PTPRR: variants seen among roughly 807,000 people sequenced by gnomAD.
The protein encoded by PTPRR is receptor-type tyrosine-protein phosphatase R.
In PTPRR, 38 loss-of-function variants were observed where a neutral mutation model predicts 77.2. The ratio of observed to expected loss-of-function variants is 0.49; its 90% CI spans 0.38 to 0.65. The LOEUF is 0.65. Among genes scored for constraint, PTPRR ranks in the 30% least tolerant of loss-of-function variants. PTPRR has a pLI of 0.00. For synonymous variants in PTPRR, 299 were observed against 283.1 expected (o/e 1.06, Z -0.57); for missense variants, 744 against 799.2 (o/e 0.93, Z 0.83).
intron 6 of PTPRR, among the ~76,000 whole-genome samples, chr12:70,713,955 G>T (rs1051443225): frequency 3.9e-5 from 6 of 152,092 alleles, no homozygotes; most frequent in African/African-American, 1.4e-4. Context: ...TTTTGGATGA[G>T]AGCAACATTT....
chr12:70,795,065 A>C (rs1378774839), intron 2 of PTPRR, among the ~76,000 whole-genome samples: 2 of 152,160 alleles, frequency 1.3e-5, no homozygotes, highest in Non-Finnish European at 2.9e-5. Flanking sequence ...GTTATAATGC[A>C]AGTCTTATTG....
At chr12:70,676,104 C>A (rs918376310) in intron 10 of PTPRR, among the ~76,000 whole-genome samples, 4 of 151,858 alleles carry the variant, frequency 2.6e-5, no homozygotes, top group Non-Finnish European at 5.9e-5. Context: ...ATATCCTCTT[C>A]TTTCTCCTTC....
intron 1 of PTPRR, among the ~76,000 whole-genome samples, chr12:70,909,839 G>A (rs1031212510): frequency 2.6e-5 from 4 of 152,190 alleles, no homozygotes; most frequent in Admixed American, 2.0e-4. Flanking sequence ...TCAGAAGAAA[G>A]GTTGCCCGTG....
At chr12:70,674,123 A>G (rs1887352478) in intron 10 of PTPRR, among the ~76,000 whole-genome samples, 2 of 152,018 alleles carry the variant, frequency 1.3e-5, no homozygotes, top group African/African-American at 4.8e-5. Context: ...TTGTTGAGAT[A>G]TAAGTCTCAT....
At chr12:70,699,690 G>C (rs1888352386) in intron 7 of PTPRR, among the ~76,000 whole-genome samples, 1 of 152,110 alleles carries the variant, frequency 6.6e-6, no homozygotes, top group Non-Finnish European at 1.5e-5. Context: ...CCTATTCTCT[G>C]CTCCAACTAA....
chr12:70,703,529 C>G (rs562484233), intron 6 of PTPRR, among the ~76,000 whole-genome samples: 4 of 152,188 alleles, frequency 2.6e-5, no homozygotes, highest in African/African-American at 9.6e-5. Flanking sequence ...ACTCATGGAC[C>G]AAGAATTTAA....
chr12:70,860,645 A>T (rs1468146538), intron 2 of PTPRR, among the ~76,000 whole-genome samples: 2 of 152,172 alleles, frequency 1.3e-5, no homozygotes, highest in African/African-American at 4.8e-5. Context: ...ACATTCTGAG[A>T]CCCAGCTCCA....
intron 2 of PTPRR, among the ~76,000 whole-genome samples, chr12:70,830,442 T>G (rs1266561381): frequency 6.6e-6 from 1 of 152,324 alleles, no homozygotes; most frequent in East Asian, 1.9e-4. Context: ...GGAGTATGGT[T>G]AGCTGTGCCT....
chr12:70,698,416 G>T, intron 7 of PTPRR, 67 bp from the exon 8 acceptor site: 1 of 1,370,448 alleles, frequency 7.3e-7, no homozygotes, highest in South Asian at 1.2e-5. Context: ...TCACAGGGGG[G>T]CATCTGATCC....
intron 2 of PTPRR, among the ~76,000 whole-genome samples, chr12:70,799,235 G>A (rs1891570568): frequency 6.6e-6 from 1 of 151,958 alleles, no homozygotes; most frequent in Non-Finnish European, 1.5e-5. Context: ...TATGTGTGTT[G>A]GATATGTATA....
At chr12:70,726,008 T>C (rs958791444) in intron 6 of PTPRR, among the ~76,000 whole-genome samples, 2 of 152,036 alleles carry the variant, frequency 1.3e-5, no homozygotes, top group African/African-American at 4.8e-5. Context: ...ACATCATAGA[T>C]AGATGATGAT....
chr12:70,900,495 C>T (rs1475519444), intron 1 of PTPRR, among the ~76,000 whole-genome samples: 1 of 151,370 alleles, frequency 6.6e-6, no homozygotes, highest in Non-Finnish European at 1.5e-5. Flanking sequence ...ACCCCAAAAG[C>T]ACAGGCAACT....
At chr12:70,662,855 C>A (rs530158125) in intron 10 of PTPRR, among the ~76,000 whole-genome samples, 36 of 151,214 alleles carry the variant, frequency 2.4e-4, no homozygotes, top group Middle Eastern at 3.5e-3. Flanking sequence ...TAAACACTGT[C>A]ACTGCTGGCT....
chr12:70,872,593 G>A (rs189655180), intron 2 of PTPRR, among the ~76,000 whole-genome samples: 24 of 150,888 alleles, frequency 1.6e-4, no homozygotes, highest in Admixed American at 1.1e-3. Context: ...CTACTCGGGA[G>A]GCTGAGGCGG....
chr12:70,735,033 A>G (rs35456305), intron 6 of PTPRR, among the ~76,000 whole-genome samples: 10,802 of 151,866 alleles, frequency 0.071, 519 homozygotes, highest in South Asian at 0.12. Flanking sequence ...TTATTTTTTT[A>G]GAATAAAAAA....
intron 2 of PTPRR, among the ~76,000 whole-genome samples, chr12:70,797,466 A>G (rs979407728): frequency 2.0e-5 from 3 of 152,074 alleles, no homozygotes; most frequent in Admixed American, 6.6e-5. Context: ...TAGATTCCAC[A>G]TCTCTCTCTA....
At chr12:70,758,657 C>T (rs1890616845) in intron 4 of PTPRR, among the ~76,000 whole-genome samples, 1 of 152,108 alleles carries the variant, frequency 6.6e-6, no homozygotes, top group Admixed American at 6.5e-5. Flanking sequence ...GCTTCAGATT[C>T]AGACGTGGGC....
rs1048106563 is a variant in PTPRR at position 70,754,640 on chromosome 12, A to G, written c.628-339T>C. ...TTCTGTGTGGAGGAAATTGTTTCTG[A>G]TTTCCTTACTCTGTTTTAAGTCCCC... On this transcript the variant is annotated intron_variant, in intron 4 of 13. Transcript: ENST00000283228. The G allele has an allele frequency of 2.5e-6, 4 of 1,597,604 alleles. No individual in the cohort carries two copies. The East Asian group carries it at 8.9e-5, about 36-fold the overall frequency.
At chr12:70,894,836 C>T (rs1441500021) in intron 1 of PTPRR, among the ~76,000 whole-genome samples, 3 of 151,550 alleles carry the variant, frequency 2.0e-5, no homozygotes, top group African/African-American at 7.3e-5. Flanking sequence ...CATCATTGTC[C>T]AATCATCATC....
Sources: allele counts gnomAD v4.1 joint callset (sites outside exome capture counted in the v4.1 genomes callset), GRCh38; gene constraint gnomAD v4.1.1; transcripts MANE v1.5; gene names NCBI Gene and HGNC (gene_info 2026-07-23, HGNC 2026-07-21).